The following MYL4 variants were observed in gnomAD, a reference collection of about 807,000 sequenced individuals.
MYL4 encodes the protein atrial myosin light chain 1.
A neutral mutation model predicts 21.6 loss-of-function variants in MYL4; 16 were observed. That is an observed-to-expected ratio of 0.74 (90% CI 0.50 to 1.12). The LOEUF is 1.12. Ranked by LOEUF, MYL4 falls within the 50% of genes most tolerant of loss-of-function variation. The probability of loss-of-function intolerance (pLI) is 0.00; values close to 1 mark genes in which losing one functional copy is unlikely to be tolerated. For synonymous variants in MYL4, 82 were observed against 95.7 expected (o/e 0.86, Z 0.83); for missense variants, 249 against 252.9 (o/e 0.98, Z 0.11).
chr17:47,198,330 G>C (rs2064697143), upstream of MYL4, among the ~76,000 whole-genome samples: 1 of 151,736 alleles, frequency 6.6e-6, no homozygotes, highest in African/African-American at 2.4e-5. Context: ...AGAACAAAAA[G>C]AGTAAATTTA....
At chr17:47,192,246 T>G in the MYL4 span, among the ~76,000 whole-genome samples, 25 of 151,432 alleles carry the variant, frequency 1.7e-4, no homozygotes, top group Non-Finnish European at 3.2e-4. Context: ...CCCAGCTACT[T>G]GGGAGGCTGA....
At chr17:47,217,679 A>G (rs1174889871) in intron 2 of MYL4, among the ~76,000 whole-genome samples, 1 of 152,180 alleles carries the variant, frequency 6.6e-6, no homozygotes, top group Non-Finnish European at 1.5e-5. Flanking sequence ...TACATACATT[A>G]TTGTATTTAT....
chr17:47,209,674 T>C (rs1272869396), intron 1 of MYL4, 117 bp downstream of exon 1: 48 of 1,514,886 alleles, frequency 3.2e-5, no homozygotes, highest in Non-Finnish European at 4.1e-5. Context: ...AGGGTGTCCA[T>C]GCCCCAGATC....
At chr17:47,193,796 C>A in the MYL4 span, among the ~76,000 whole-genome samples, 1 of 151,968 alleles carries the variant, frequency 6.6e-6, no homozygotes, top group Non-Finnish European at 1.5e-5. Context: ...CACTCTGTCA[C>A]CCAGGCTGGA....
chr17:47,216,678 A>G (rs939025242), intron 2 of MYL4, among the ~76,000 whole-genome samples: 9 of 149,036 alleles, frequency 6.0e-5, no homozygotes, highest in African/African-American at 2.0e-4. Context: ...GCATCATGAC[A>G]TCTTTTTTTT....
chr17:47,215,710 T>C (rs1422883825), intron 2 of MYL4, among the ~76,000 whole-genome samples: 1 of 152,230 alleles, frequency 6.6e-6, no homozygotes, highest in East Asian at 1.9e-4. Context: ...ATATCCTCCA[T>C]CTATTTGGAG....
upstream of MYL4, chr17:47,200,390 C>G (rs1224043393): frequency 1.3e-5 from 2 of 152,202 alleles, no homozygotes; most frequent in Non-Finnish European, 2.9e-5. Flanking sequence ...TCCTTGCCCC[C>G]TTGGGGGCTA....
At chr17:47,208,173 G>A (rs1305941786), upstream of MYL4, among the ~76,000 whole-genome samples, 1 of 152,144 alleles carries the variant, frequency 6.6e-6, no homozygotes, top group Non-Finnish European at 1.5e-5. Context: ...CCAGCCCTTT[G>A]GAAGACCGAG....
chr17:47,198,761 C>T (rs952169153), upstream of MYL4, among the ~76,000 whole-genome samples: 1 of 151,974 alleles, frequency 6.6e-6, no homozygotes, highest in African/African-American at 2.4e-5. Context: ...TCAGGAGGAT[C>T]ACTCGAGGCC....
chr17:47,221,926 T>C, intron 4 of MYL4, 71 bp downstream of exon 4: 2 of 1,529,262 alleles, frequency 1.3e-6, no homozygotes, highest in Non-Finnish European at 1.8e-6. Flanking sequence ...AGGTGACATA[T>C]GCTGGTTGGG....
At chr17:47,205,674 C>T (rs567443387), upstream of MYL4, among the ~76,000 whole-genome samples, 3 of 152,188 alleles carry the variant, frequency 2.0e-5, no homozygotes, top group Non-Finnish European at 4.4e-5. Context: ...ATTTGAGGAG[C>T]GTCTCCTCCC....
intron 1 of MYL4, among the ~76,000 whole-genome samples, chr17:47,201,868 G>A (rs997109085): frequency 3.9e-5 from 6 of 151,990 alleles, no homozygotes; most frequent in Non-Finnish European, 8.8e-5. Flanking sequence ...ATGTGTTCTT[G>A]GATAATGGGT....
At position 47,213,789 on chromosome 17, in the gene MYL4, C is replaced by T. The variant is rs780524979; in HGVS notation, c.136-10C>T. The T allele has an allele frequency of 6.2e-7, 1 of 1,614,024 alleles. No individual in the cohort carries two copies. Among genetic ancestry groups the T allele is most frequent in the Non-Finnish European group, 8.5e-7 (1 of 1,179,928 alleles). The stretch of plus-strand genomic sequence containing the variant: ...AATCCAAGCCCTCACTACTATTTCC[C>T]TCCCTACAGATAGACTTCACTGCCG... On this transcript the variant is annotated splice_polypyrimidine_tract_variant and intron_variant, in intron 1 of 6. Transcript: ENST00000393450.
downstream of MYL4, among the ~76,000 whole-genome samples, chr17:47,224,707 T>C (rs2064878756): frequency 1.3e-5 from 2 of 152,182 alleles, no homozygotes; most frequent in African/African-American, 4.8e-5. Context: ...ATTGTATAGG[T>C]CAACCACGGT....
chr17:47,209,943 C>G (rs2064761256), intron 1 of MYL4, among the ~76,000 whole-genome samples: 1 of 152,160 alleles, frequency 6.6e-6, no homozygotes, highest in African/African-American at 2.4e-5. Flanking sequence ...TTATGGAGAA[C>G]AGACAGATCA....
the MYL4 span, among the ~76,000 whole-genome samples, chr17:47,192,832 G>A: frequency 2.6e-5 from 4 of 152,072 alleles, no homozygotes; most frequent in African/African-American, 9.7e-5. Flanking sequence ...TCAACCACTT[G>A]GGCATCCTGC....
intron 4 of MYL4, 57 bp from the exon 5 acceptor site, chr17:47,222,323 C>T: frequency 6.5e-7 from 1 of 1,531,160 alleles, no homozygotes; most frequent in Non-Finnish European, 9.0e-7. Context: ...TGGGTATTGC[C>T]AGTTCCTCCT....
chr17:47,215,735 C>G (rs1002249387), intron 2 of MYL4, among the ~76,000 whole-genome samples: 2 of 152,062 alleles, frequency 1.3e-5, no homozygotes, highest in African/African-American at 4.8e-5. Flanking sequence ...TTTTCAAATC[C>G]CTCCTAAGAT....
At chr17:47,204,083 T>G (rs1285887937), upstream of MYL4, among the ~76,000 whole-genome samples, 1 of 152,204 alleles carries the variant, frequency 6.6e-6, no homozygotes, top group Non-Finnish European at 1.5e-5. Context: ...ACAAGCACAG[T>G]GCATCTCCAG....
Sources: gnomAD v4.1 joint callset for allele counts (sites outside exome capture counted in the v4.1 genomes callset) on GRCh38, gnomAD v4.1.1 for gene constraint, MANE v1.5 for transcripts, NCBI Gene and HGNC (gene_info 2026-07-23, HGNC 2026-07-21) for gene names.